The following PPP3CA variants were observed in gnomAD, a reference collection of about 807,000 sequenced individuals.
PPP3CA encodes the protein CAM-PRP catalytic subunit.
Under a neutral mutation model 66.5 loss-of-function variants are expected in PPP3CA, and 14 were observed. That is an observed-to-expected ratio of 0.21 (90% CI 0.14 to 0.33). The LOEUF is 0.33. Ranked by LOEUF, PPP3CA falls within the 10% of genes least tolerant of loss-of-function variation. PPP3CA has a pLI of 1.00. For missense variants in PPP3CA, 317 were observed against 639.5 expected, an observed-to-expected ratio of 0.50 and a Z score of 5.44; for synonymous variants, 232 against 226.2, an observed-to-expected ratio of 1.03 and a Z score of -0.23.
chr4:101,083,346 G>T, intron 6 of PPP3CA, 83 bp from the exon 7 acceptor site: 1 of 1,178,000 alleles, frequency 8.5e-7, no homozygotes. Context: ...CCAGATCTAT[G>T]TGACTGGATC....
chr4:101,029,435 A>C (rs562748582), intron 12 of PPP3CA, among the ~76,000 whole-genome samples: 4 of 152,018 alleles, frequency 2.6e-5, no homozygotes, highest in Non-Finnish European at 5.9e-5. Flanking sequence ...ATCTGAATTA[A>C]ATGTTTTGGT....
chr4:101,093,255 T>C (rs1730039188), intron 6 of PPP3CA, among the ~76,000 whole-genome samples: 1 of 152,222 alleles, frequency 6.6e-6, no homozygotes. Context: ...TGTCTTCTTT[T>C]GAGAAAGAAA....
intron 2 of PPP3CA, among the ~76,000 whole-genome samples, chr4:101,110,359 A>G (rs755168013): frequency 7.2e-5 from 11 of 152,234 alleles, no homozygotes; most frequent in Non-Finnish European, 1.5e-4. Context: ...AAATAATTAT[A>G]AAACAATGAA....
chr4:101,070,410 G>A (rs1178109561), intron 8 of PPP3CA, among the ~76,000 whole-genome samples: 1 of 152,126 alleles, frequency 6.6e-6, no homozygotes, highest in East Asian at 1.9e-4. Context: ...TCACCTCAAA[G>A]GCTAAACTGT....
intron 2 of PPP3CA, among the ~76,000 whole-genome samples, chr4:101,161,837 T>A (rs1023200633): frequency 6.0e-5 from 9 of 151,204 alleles, no homozygotes; most frequent in African/African-American, 1.9e-4. Flanking sequence ...ATAATAGGAG[T>A]TGCCTAAAAG....
In PPP3CA at chr4:101,347,314, C is replaced by A; in HGVS notation, c.-518G>T. 1 of 203,624 alleles carries A rather than the reference C, an allele frequency of 4.9e-6. No individual in the cohort carries two copies. Among genetic ancestry groups the A allele is most frequent in the South Asian group, 7.1e-5 (1 of 14,118 alleles). 12.6% of individuals were successfully genotyped at this position (203,624 alleles called of 1,614,324 possible). A position where few individuals can be genotyped will look rare whatever the true frequency, so the allele number is the denominator to read the frequency against. On this transcript the variant is annotated 5_prime_UTR_variant, in exon 1 of 14. Transcript: ENST00000394854. ...CTTGGCGTCCCCGGCGGCGGAGAGG[C>A]GGCCGCCGCTGCTGCCGCTGCTGCT...
intron 2 of PPP3CA, among the ~76,000 whole-genome samples, chr4:101,119,565 AG>A (rs1560611618): frequency 6.6e-6 from 1 of 152,116 alleles, no homozygotes; most frequent in African/African-American, 2.4e-5. Context: ...TGGAAAACTC[AG>A]TTAAGGAAAA....
intron 1 of PPP3CA, among the ~76,000 whole-genome samples, chr4:101,296,624 T>C (rs1261405783): frequency 6.6e-6 from 1 of 152,172 alleles, no homozygotes; most frequent in African/African-American, 2.4e-5. Flanking sequence ...TTATTCCTAT[T>C]AATTCTGGTG....
At chr4:101,320,833 T>C (rs898862483) in intron 1 of PPP3CA, among the ~76,000 whole-genome samples, 4 of 152,144 alleles carry the variant, frequency 2.6e-5, no homozygotes, top group African/African-American at 9.7e-5. Context: ...TTCTGATGGA[T>C]ACCATGTCAG....
At chr4:101,305,685 A>G (rs1033612908) in intron 1 of PPP3CA, among the ~76,000 whole-genome samples, 21 of 152,222 alleles carry the variant, frequency 1.4e-4, no homozygotes, top group African/African-American at 5.1e-4. Flanking sequence ...GAGTTATAAT[A>G]TCAAAACTTT....
chr4:101,259,376 T>C (rs1726944653), intron 1 of PPP3CA, among the ~76,000 whole-genome samples: 1 of 149,544 alleles, frequency 6.7e-6, no homozygotes, highest in Non-Finnish European at 1.5e-5. Context: ...GCATCCACAA[T>C]GAGCCTGGAT....
intron 1 of PPP3CA, among the ~76,000 whole-genome samples, chr4:101,203,395 T>C (rs1725030953): frequency 6.6e-6 from 1 of 152,050 alleles, no homozygotes; most frequent in African/African-American, 2.4e-5. Flanking sequence ...CTCAGGAGGC[T>C]AAGGCAGGAG....
chr4:101,137,427 T>C (rs1722657183), intron 2 of PPP3CA, among the ~76,000 whole-genome samples: 1 of 152,034 alleles, frequency 6.6e-6, no homozygotes, highest in South Asian at 2.1e-4. Flanking sequence ...GGCTGAGGAA[T>C]GGTTTGCAGT....
At chr4:101,102,231 G>A (rs953396191) in intron 3 of PPP3CA, among the ~76,000 whole-genome samples, 2 of 151,400 alleles carry the variant, frequency 1.3e-5, no homozygotes, top group African/African-American at 4.9e-5. Flanking sequence ...AGGAAAGAAA[G>A]GAGGGAGGGA....
At chr4:101,141,232 TG>T (rs1264728503) in intron 2 of PPP3CA, among the ~76,000 whole-genome samples, 2 of 152,002 alleles carry the variant, frequency 1.3e-5, no homozygotes. Context: ...TAGCTGGGCG[TG>T]GTGGCTCATG....
chr4:101,057,320 G>A (rs562282306), intron 10 of PPP3CA, among the ~76,000 whole-genome samples: 172 of 152,256 alleles, frequency 1.1e-3, no homozygotes, highest in African/African-American at 4.0e-3. Flanking sequence ...GCCTCCCAAA[G>A]TGCTGGGATT....
intron 2 of PPP3CA, among the ~76,000 whole-genome samples, chr4:101,124,670 AAAG>A (rs1416340696): frequency 1.1e-4 from 6 of 53,890 alleles, no homozygotes; most frequent in Non-Finnish European, 1.7e-4. Context: ...AGACAGAAAG[AAAG>A]AAAGAAAGAA....
At chr4:101,026,123 G>A (rs944315090) in intron 13 of PPP3CA, 62 bp from the exon 14 acceptor site, 2 of 1,381,096 alleles carry the variant, frequency 1.4e-6, no homozygotes, top group East Asian at 2.3e-5. Context: ...AAAGGGCACA[G>A]CTGTTGCAGC....
intron 2 of PPP3CA, among the ~76,000 whole-genome samples, chr4:101,123,984 G>A (rs762355603): frequency 6.6e-6 from 1 of 152,174 alleles, no homozygotes; most frequent in Non-Finnish European, 1.5e-5. Flanking sequence ...TTCGGCAGAA[G>A]GTAAGCTCCC....
Sources: allele counts gnomAD v4.1 joint callset (sites outside exome capture counted in the v4.1 genomes callset), GRCh38; gene constraint gnomAD v4.1.1; transcripts MANE v1.5; gene names NCBI Gene and HGNC (gene_info 2026-07-23, HGNC 2026-07-21).